LRMDA: variants seen among roughly 807,000 people sequenced by gnomAD.
LRMDA encodes the protein leucine-rich melanocyte differentiation-associated protein.
LRMDA carries 18 observed loss-of-function variants against 29.8 expected under a neutral mutation model. That is an observed-to-expected ratio of 0.60 (90% CI 0.42 to 0.90). The LOEUF is 0.90. Among genes scored for constraint, LRMDA ranks in the 40% least tolerant of loss-of-function variants. LRMDA has a pLI of 0.00. For synonymous variants in LRMDA, 125 were observed against 109.4 expected (o/e 1.14, Z -0.89); for missense variants, 273 against 273.9 (o/e 1.00, Z 0.02).
At chr10:76,053,706 G>T (rs373910591) in intron 4 of LRMDA, among the ~76,000 whole-genome samples, 1 of 152,166 alleles carries the variant, frequency 6.6e-6, no homozygotes, top group Non-Finnish European at 1.5e-5. Flanking sequence ...GGCAGACATG[G>T]CCACTGGCTG....
intron 6 of LRMDA, among the ~76,000 whole-genome samples, chr10:76,350,272 T>A (rs1841159409): frequency 6.6e-6 from 1 of 152,160 alleles, no homozygotes; most frequent in South Asian, 2.1e-4. Flanking sequence ...AAATGATAGC[T>A]CTTATTATTT....
chr10:75,954,646 C>T (rs1397460510), intron 2 of LRMDA, among the ~76,000 whole-genome samples: 2 of 152,254 alleles, frequency 1.3e-5, no homozygotes, highest in East Asian at 1.9e-4. Context: ...AACCACTGAA[C>T]GGCCATTTGA....
chr10:76,182,487 T>C (rs566931660), intron 5 of LRMDA, among the ~76,000 whole-genome samples: 4 of 152,306 alleles, frequency 2.6e-5, no homozygotes, highest in South Asian at 4.1e-4. Context: ...TAGGCACCAA[T>C]GAACAGACGA....
At chr10:76,047,461 G>A (rs1372875083) in intron 4 of LRMDA, among the ~76,000 whole-genome samples, 158 bp downstream of exon 4, 1 of 152,204 alleles carries the variant, frequency 6.6e-6, no homozygotes, top group African/African-American at 2.4e-5. Context: ...TATAGCCATT[G>A]TCTCTCTTGG....
chr10:75,450,200 T>G (rs1024948363), intron 2 of LRMDA: 3 of 152,096 alleles, frequency 2.0e-5, no homozygotes, highest in South Asian at 4.2e-4. Context: ...CCCCCATCAC[T>G]GTCCTAGCAC....
At chr10:76,028,672 C>T (rs1848100351) in intron 2 of LRMDA, among the ~76,000 whole-genome samples, 1 of 152,086 alleles carries the variant, frequency 6.6e-6, no homozygotes, top group Non-Finnish European at 1.5e-5. Context: ...CTAGAATCTA[C>T]CCATAGAGCA....
intron 2 of LRMDA, among the ~76,000 whole-genome samples, chr10:76,014,077 G>A (rs1847831751): frequency 9.1e-6 from 1 of 110,040 alleles, no homozygotes. Context: ...AGCCCAATAT[G>A]GTCTGCTGTT....
At chr10:75,939,394 C>A (rs940785050) in intron 2 of LRMDA, among the ~76,000 whole-genome samples, 1 of 152,056 alleles carries the variant, frequency 6.6e-6, no homozygotes, top group Non-Finnish European at 1.5e-5. Flanking sequence ...CCCTATTTGT[C>A]GTGAATTATG....
chr10:75,532,446 G>A (rs1845488564), intron 2 of LRMDA, among the ~76,000 whole-genome samples: 1 of 152,170 alleles, frequency 6.6e-6, no homozygotes, highest in Non-Finnish European at 1.5e-5. Flanking sequence ...GAAGGCAGAG[G>A]AAAGGGCTTG....
chr10:75,924,815 G>C (rs1846091427), intron 2 of LRMDA, among the ~76,000 whole-genome samples: 1 of 152,128 alleles, frequency 6.6e-6, no homozygotes, highest in African/African-American at 2.4e-5. Context: ...CTTCGTATGT[G>C]GGTTTCTGGA....
At chr10:75,897,452 T>C (rs1845602162) in intron 2 of LRMDA, among the ~76,000 whole-genome samples, 1 of 152,088 alleles carries the variant, frequency 6.6e-6, no homozygotes, top group Non-Finnish European at 1.5e-5. Context: ...AGATGAGGAG[T>C]GCTTAGCAAT....
At chr10:76,170,632 T>C (rs12569600) in intron 5 of LRMDA, among the ~76,000 whole-genome samples, 29,243 of 152,158 alleles carry the variant, frequency 0.19, 3,264 homozygotes, top group East Asian at 0.52. Flanking sequence ...TCAAAAGCAA[T>C]GGTAAAAATT....
intron 5 of LRMDA, among the ~76,000 whole-genome samples, chr10:76,275,904 T>A (rs1410747645): frequency 6.6e-6 from 1 of 152,116 alleles, no homozygotes; most frequent in African/African-American, 2.4e-5. Context: ...TCATTATCAT[T>A]GTTTTCCTGT....
At position 75,974,141 on chromosome 10, in the gene LRMDA, C is replaced by T. The variant is rs544254506; in HGVS notation, c.132-61867C>T. The stretch of plus-strand genomic sequence containing the variant: ...GTCCCCAGTTTTCTTCTTCTTTCTT[C>T]TGTTAATTTCCCCTGCAGATATAGC... On this transcript the variant is annotated intron_variant, in intron 2 of 6. Transcript: ENST00000611255. 4.6e-5 allele frequency among the ~76,000 whole-genome samples: 7 copies of T among 152,254 alleles called. No homozygotes were observed. In the South Asian group the frequency reaches 1.2e-3, roughly 27 times the overall value.
intron 5 of LRMDA, among the ~76,000 whole-genome samples, chr10:76,209,487 A>G (rs928981593): frequency 6.6e-6 from 1 of 152,146 alleles, no homozygotes; most frequent in East Asian, 1.9e-4. Flanking sequence ...GAATTAGTAT[A>G]TTGTACGTGA....
intron 2 of LRMDA, chr10:75,642,749 G>A (rs1308125245): frequency 6.6e-6 from 1 of 152,172 alleles, no homozygotes; most frequent in Non-Finnish European, 1.5e-5. Flanking sequence ...CACACCAGAA[G>A]GGCAGTAAAG....
chr10:75,728,879 C>A (rs1345796518), intron 2 of LRMDA, among the ~76,000 whole-genome samples: 1 of 152,064 alleles, frequency 6.6e-6, no homozygotes, highest in Non-Finnish European at 1.5e-5. Flanking sequence ...GAGTGGTGGT[C>A]TCCCCCTGCC....
intron 6 of LRMDA, among the ~76,000 whole-genome samples, chr10:76,378,335 GA>G (rs1347900196): frequency 6.6e-6 from 1 of 151,964 alleles, no homozygotes; most frequent in Non-Finnish European, 1.5e-5. Context: ...AGAAAACAGA[GA>G]TAATTTGACT....
intron 5 of LRMDA, among the ~76,000 whole-genome samples, chr10:76,312,832 T>G (rs1840646296): frequency 6.6e-6 from 1 of 151,688 alleles, no homozygotes; most frequent in South Asian, 2.1e-4. Context: ...TATTTAATTA[T>G]GAAATATGGG....
Sources: gnomAD v4.1 joint callset for allele counts (sites outside exome capture counted in the v4.1 genomes callset) on GRCh38, gnomAD v4.1.1 for gene constraint, MANE v1.5 for transcripts, NCBI Gene and HGNC (gene_info 2026-07-23, HGNC 2026-07-21) for gene names.